CCDC73: variants seen among roughly 807,000 people sequenced by gnomAD.
CCDC73 encodes the protein coiled-coil domain containing 73, also known as coiled-coil domain-containing protein 73.
CCDC73 carries 95 observed loss-of-function variants against 116.5 expected under a neutral mutation model. The ratio of observed to expected loss-of-function variants is 0.82; its 90% CI spans 0.69 to 0.97. The LOEUF (loss-of-function observed/expected upper bound fraction) is 0.97, where lower values mean the gene tolerates loss of function less well. Among genes scored for constraint, CCDC73 ranks in the 50% least tolerant of loss-of-function variants. The probability of loss-of-function intolerance (pLI) is 0.00; values close to 1 mark genes in which losing one functional copy is unlikely to be tolerated. For missense variants in CCDC73, 1,066 were observed against 1,206.8 expected (o/e 0.88, Z 1.73); for synonymous variants, 398 against 401.3 (o/e 0.99, Z 0.10).
chr11:32,753,293 C>CTTTTTTTTTTTTT (rs11309977), intron 2 of CCDC73, among the ~76,000 whole-genome samples: 3 of 127,806 alleles, frequency 2.3e-5, no homozygotes, highest in Non-Finnish European at 4.9e-5. Context: ...TTCTTTTCTG[C>CTTTTTTTTTTTTT]TTTTTTTTTT....
the CCDC73 span, among the ~76,000 whole-genome samples, chr11:32,805,958 A>C: frequency 6.6e-6 from 1 of 152,216 alleles, no homozygotes; most frequent in African/African-American, 2.4e-5. Flanking sequence ...TAAAGCCCAA[A>C]GATTTCAAAT....
At chr11:32,784,161 C>T (rs1389742501) in intron 1 of CCDC73, among the ~76,000 whole-genome samples, 1 of 152,104 alleles carries the variant, frequency 6.6e-6, no homozygotes, top group Non-Finnish European at 1.5e-5. Context: ...GAAACCCCGT[C>T]TCTACTAAAA....
At chr11:32,806,371 G>C in the CCDC73 span, among the ~76,000 whole-genome samples, 2 of 152,112 alleles carry the variant, frequency 1.3e-5, no homozygotes, top group East Asian at 3.8e-4. Context: ...CTATCATCCC[G>C]CACTTTGGGA....
intron 3 of CCDC73, among the ~76,000 whole-genome samples, chr11:32,709,550 C>A (rs1029819566): frequency 1.3e-5 from 2 of 152,162 alleles, no homozygotes; most frequent in African/African-American, 4.8e-5. Flanking sequence ...ACCACCTTAG[C>A]CTCTCAAGGT....
chr11:32,795,783 G>A (rs1011261349), upstream of CCDC73, among the ~76,000 whole-genome samples: 15 of 151,236 alleles, frequency 9.9e-5, no homozygotes, highest in South Asian at 1.9e-3. Context: ...TCCGCCTCCC[G>A]GGTTCAAGCG....
chr11:32,734,182 T>A (rs959366422), intron 2 of CCDC73, among the ~76,000 whole-genome samples: 1 of 152,090 alleles, frequency 6.6e-6, no homozygotes, highest in Non-Finnish European at 1.5e-5. Flanking sequence ...AAGAAATGGA[T>A]AAATTCCTGG....
chr11:32,699,160 T>C, intron 6 of CCDC73, 91 bp downstream of exon 6: 1 of 1,332,878 alleles, frequency 7.5e-7, no homozygotes. Flanking sequence ...TTTTGTCAGC[T>C]TTGCTTTGTA....
intron 2 of CCDC73, among the ~76,000 whole-genome samples, chr11:32,728,740 T>G (rs886301578): frequency 2.6e-5 from 4 of 152,240 alleles, no homozygotes; most frequent in South Asian, 2.1e-4. Context: ...AGTCTCGCTC[T>G]GTCGCCCAGG....
intron 2 of CCDC73, among the ~76,000 whole-genome samples, chr11:32,737,266 TG>T (rs1363829081): frequency 2.0e-5 from 3 of 147,234 alleles, no homozygotes; most frequent in African/African-American, 7.8e-5. Flanking sequence ...TGTGTGTGTG[TG>T]TGTGTGTATA....
intron 12 of CCDC73, among the ~76,000 whole-genome samples, chr11:32,644,970 T>A (rs1855764322): frequency 6.6e-6 from 1 of 152,232 alleles, no homozygotes; most frequent in African/African-American, 2.4e-5. Flanking sequence ...GTTGTATGGA[T>A]GCACCATAGT....
chr11:32,628,390 A>T (rs1855596484), intron 14 of CCDC73, among the ~76,000 whole-genome samples: 1 of 152,226 alleles, frequency 6.6e-6, no homozygotes, highest in African/African-American at 2.4e-5. Context: ...GCTACCCAGA[A>T]AAAGAGCTCC....
the CCDC73 span, among the ~76,000 whole-genome samples, chr11:32,801,654 C>T: frequency 2.9e-5 from 3 of 104,996 alleles, no homozygotes; most frequent in Non-Finnish European, 2.1e-5. Flanking sequence ...AAAAAAAAAA[C>T]AAACACTAAC....
chr11:32,749,685 A>AGGGACCTGAGTGTT (rs1214824383), intron 2 of CCDC73, among the ~76,000 whole-genome samples: 1 of 152,060 alleles, frequency 6.6e-6, no homozygotes, highest in East Asian at 1.9e-4. Context: ...AGGTATTTGA[A>AGGGACCTGAGTGTT]GGGACCTGAG....
At chr11:32,821,918 TGA>T in the CCDC73 span, among the ~76,000 whole-genome samples, 3 of 152,306 alleles carry the variant, frequency 2.0e-5, no homozygotes, top group Admixed American at 1.3e-4. Context: ...AAGAACATTT[TGA>T]ACTAAAAATC....
intron 14 of CCDC73, among the ~76,000 whole-genome samples, chr11:32,622,198 A>G (rs61889409): frequency 0.02 from 3,077 of 152,322 alleles, 68 homozygotes; most frequent in Non-Finnish European, 0.028. Context: ...TGTTATAAAG[A>G]TACATGCACA....
At chr11:32,626,063 T>C (rs1202292273) in intron 14 of CCDC73, among the ~76,000 whole-genome samples, 5 of 147,566 alleles carry the variant, frequency 3.4e-5, no homozygotes, top group Middle Eastern at 3.5e-3. Context: ...GATGACATGA[T>C]TGTATGTCTA....
At chr11:32,763,821 A>G (rs987756981) in intron 1 of CCDC73, among the ~76,000 whole-genome samples, 3 of 152,208 alleles carry the variant, frequency 2.0e-5, no homozygotes, top group Non-Finnish European at 4.4e-5. Context: ...TCTCCAAGCT[A>G]AAGGAGGAAG....
At chr11:32,638,873 C>T (rs1311211404) in intron 13 of CCDC73, among the ~76,000 whole-genome samples, 1 of 151,840 alleles carries the variant, frequency 6.6e-6, no homozygotes, top group African/African-American at 2.4e-5. Context: ...ATCAGCCAGG[C>T]ACAGTGGCTC....
chr11:32,758,059 C>G (rs1850358758), intron 2 of CCDC73, among the ~76,000 whole-genome samples: 1 of 152,082 alleles, frequency 6.6e-6, no homozygotes, highest in South Asian at 2.1e-4. Flanking sequence ...AGGGGGAAAT[C>G]TAGGAATACA....
Sources: allele counts gnomAD v4.1 joint callset (sites outside exome capture counted in the v4.1 genomes callset), GRCh38; gene constraint gnomAD v4.1.1; transcripts MANE v1.5; gene names NCBI Gene and HGNC (gene_info 2026-07-23, HGNC 2026-07-21).